The following UBE2U variants were observed in gnomAD, a reference collection of about 807,000 sequenced individuals.
UBE2U encodes the protein ubiquitin conjugating enzyme E2 U, also known as ubiquitin-conjugating enzyme E2 U.
A neutral mutation model predicts 41.2 loss-of-function variants in UBE2U; 39 were observed. The observed-to-expected ratio is 0.95, with a 90% CI of 0.73 to 1.24. The LOEUF is 1.24. Ranked by LOEUF, UBE2U falls within the 50% of genes most tolerant of loss-of-function variation. The probability of loss-of-function intolerance (pLI) is 0.00; values close to 1 mark genes in which losing one functional copy is unlikely to be tolerated. For missense variants in UBE2U, 336 were observed against 363.1 expected (o/e 0.93, Z 0.61); for synonymous variants, 107 against 117.8 (o/e 0.91, Z 0.60).
At chr1:64,261,523 C>G (rs1268335731) in intron 9 of UBE2U, among the ~76,000 whole-genome samples, 2 of 152,210 alleles carry the variant, frequency 1.3e-5, no homozygotes, top group Non-Finnish European at 2.9e-5. Flanking sequence ...TTCAGTGATT[C>G]TCCAAGGGCC....
chr1:64,244,080 CTAT>C (rs778322300), intron 8 of UBE2U: 45 of 1,337,036 alleles, frequency 3.4e-5, no homozygotes, highest in Non-Finnish European at 4.7e-5. Flanking sequence ...ATAAAGTTCG[CTAT>C]TATTCATGCT....
rs1009625863 is a variant in UBE2U, at chr1:64,203,879, G to A, written c.-172G>A. 17 of 480,580 alleles carry A rather than the reference G, an allele frequency of 3.5e-5. No individual in the cohort carries two copies. The highest frequency in any genetic ancestry group is 5.9e-5 in the African/African-American group (3 of 50,452). 29.8% of individuals were successfully genotyped at this position (480,580 alleles called of 1,614,324 possible). ...AGAGGAGTCAGGAGAAAAAGTCATT[G>A]TTATATCCCAACTTTAGAAGCCGCT... is the stretch of plus-strand genomic sequence containing the variant. On this transcript the variant is annotated 5_prime_UTR_variant, in exon 1 of 10. Transcript: ENST00000371077.
chr1:64,231,253 C>T (rs1162599789), intron 6 of UBE2U, among the ~76,000 whole-genome samples: 1 of 152,114 alleles, frequency 6.6e-6, no homozygotes, highest in Non-Finnish European at 1.5e-5. Context: ...GACGATTGTG[C>T]CTGAAGATGG....
At chr1:64,218,792 T>G (rs929287547) in intron 5 of UBE2U, among the ~76,000 whole-genome samples, 3 of 152,264 alleles carry the variant, frequency 2.0e-5, no homozygotes, top group African/African-American at 7.2e-5. Flanking sequence ...CTTTCTTTTC[T>G]TGTACAAAAG....
At chr1:64,238,829 C>T (rs1164851157) in intron 7 of UBE2U, among the ~76,000 whole-genome samples, 1 of 151,780 alleles carries the variant, frequency 6.6e-6, no homozygotes, top group African/African-American at 2.4e-5. Flanking sequence ...ATTTCTTGAG[C>T]CCAGGAATTT....
At chr1:64,239,289 A>G (rs1644791022) in intron 7 of UBE2U, among the ~76,000 whole-genome samples, 1 of 152,148 alleles carries the variant, frequency 6.6e-6, no homozygotes, top group Non-Finnish European at 1.5e-5. Context: ...ATAGGAAAAT[A>G]GATAAAGTAT....
rs1346241699 is a variant in UBE2U, at chr1:64,252,686, C to T, written c.678-7917C>T. On this transcript the variant is annotated intron_variant, in intron 8 of 9. Transcript: ENST00000371077. ...ACATTTGCTAACAGTCAGTGGCCTA[C>T]CTGTTAAAAGAAAAACAAACAAACA... Among the ~76,000 whole-genome samples the T allele has an allele frequency of 3.3e-5, 5 of 152,098 alleles. No individual in the cohort carries two copies. The East Asian group carries it at 9.6e-4, about 29-fold the overall frequency.
In UBE2U at chr1:64,203,838, C is replaced by T. The variant is rs1432851643; in HGVS notation, c.-213C>T. 3 of 423,788 alleles carry T rather than the reference C, an allele frequency of 7.1e-6. No individual in the cohort carries two copies. The highest frequency in any genetic ancestry group is 2.0e-5 in the African/African-American group (1 of 49,354). The allele number at this position is 423,788 out of a possible 1,614,324, so 26.3% of individuals were successfully genotyped here. ...ATGAGGAAGTGCCCAAGTCTTCCTT[C>T]GGGAAGTTCTCGTTTAGAGGAGTCA... On this transcript the variant is annotated 5_prime_UTR_variant, in exon 1 of 10. Transcript: ENST00000371077.
chr1:64,246,147 TA>T (rs144383038), intron 8 of UBE2U, among the ~76,000 whole-genome samples: 7,116 of 152,070 alleles, frequency 0.047, 533 homozygotes, highest in African/African-American at 0.16. Flanking sequence ...TTCTTATATG[TA>T]AAAAAAGAAC....
Position 64,205,708 on chromosome 1 carries a change from TCA to T in UBE2U, c.137_138del (p.Ser46CysfsTer51), listed in dbSNP as rs771672389. 8.1e-6 allele frequency: 13 copies of T among 1,613,064 alleles called. No homozygotes were observed. The South Asian group carries it at 1.4e-4, about 18-fold the overall frequency. On this transcript the variant is annotated frameshift_variant, in exon 2 of 10. Coordinates refer to ENST00000371077, the MANE Select transcript of UBE2U (RefSeq NM_001366232.2). LOFTEE classifies it high-confidence loss of function. Reference sequence around the variant, plus strand: ...AGTTGAAATTGAAGGTCTACAGAATTCAGTTTGGCAGGGTTTGTATTTTCAAA... The same window carrying T: ...AGTTGAAATTGAAGGTCTACAGAATTGTTTGGCAGGGTTTGTATTTTCAAA... The part of the protein sequence containing the change: ...WEVEIEGLQN[S>X]VWQGLVFQLT...
At chr1:64,245,812 AC>A (rs1397559406) in intron 8 of UBE2U, among the ~76,000 whole-genome samples, 1 of 151,882 alleles carries the variant, frequency 6.6e-6, no homozygotes, top group Non-Finnish European at 1.5e-5. Context: ...CGCTCCTAAG[AC>A]CCATCCCCCA....
chr1:64,265,999 A>G (rs1288232033), intron 9 of UBE2U, among the ~76,000 whole-genome samples: 1 of 152,242 alleles, frequency 6.6e-6, no homozygotes, highest in Non-Finnish European at 1.5e-5. Context: ...GGAAATAAAC[A>G]TATGAGGCAA....
intron 6 of UBE2U, among the ~76,000 whole-genome samples, chr1:64,229,493 G>A (rs1046393899): frequency 6.6e-6 from 1 of 152,086 alleles, no homozygotes; most frequent in African/African-American, 2.4e-5. Flanking sequence ...TTTATAGATG[G>A]GGAAACAGAC....
intron 6 of UBE2U, among the ~76,000 whole-genome samples, chr1:64,228,682 CTCTCTTT>C (rs1419380327): frequency 8.0e-6 from 1 of 125,742 alleles, no homozygotes; most frequent in Non-Finnish European, 1.6e-5. Context: ...TTCTCTCTCT[CTCTCTTT>C]TTTTTTTTTT....
chr1:64,207,966 A>T (rs1303553757), intron 3 of UBE2U, among the ~76,000 whole-genome samples: 1 of 152,242 alleles, frequency 6.6e-6, no homozygotes, highest in Non-Finnish European at 1.5e-5. Flanking sequence ...AAGAACATAA[A>T]GCAATTAAAA....
At chr1:64,262,303 A>C (rs1645190939) in intron 9 of UBE2U, among the ~76,000 whole-genome samples, 1 of 152,216 alleles carries the variant, frequency 6.6e-6, no homozygotes, top group Non-Finnish European at 1.5e-5. Context: ...AAATTAGCAC[A>C]CATTGAATGG....
chr1:64,248,226 C>A (rs958305934), intron 8 of UBE2U, among the ~76,000 whole-genome samples: 1 of 152,118 alleles, frequency 6.6e-6, no homozygotes, highest in Non-Finnish European at 1.5e-5. Flanking sequence ...CTCTTTCTCT[C>A]CCCTCAGTCC....
intron 6 of UBE2U, among the ~76,000 whole-genome samples, chr1:64,221,650 G>A (rs932193352): frequency 2.0e-5 from 3 of 152,090 alleles, no homozygotes; most frequent in African/African-American, 7.2e-5. Context: ...ACGGTTCGGC[G>A]GCATTTAATT....
At chr1:64,260,725 T>C (rs1645168201) in intron 9 of UBE2U, 31 bp downstream of exon 9, 2 of 1,520,926 alleles carry the variant, frequency 1.3e-6, no homozygotes, top group Non-Finnish European at 1.8e-6. Context: ...TGTTTTGCTT[T>C]TATAAATAAC....
Sources: allele counts gnomAD v4.1 joint callset (sites outside exome capture counted in the v4.1 genomes callset), GRCh38; gene constraint gnomAD v4.1.1; transcripts MANE v1.5; gene names NCBI Gene and HGNC (gene_info 2026-07-23, HGNC 2026-07-21).